NRG1: variants seen among roughly 807,000 people sequenced by gnomAD.
The protein encoded by NRG1 is pro-neuregulin-1, membrane-bound isoform.
A neutral mutation model predicts 63.8 loss-of-function variants in NRG1; 18 were observed. The observed-to-expected ratio is 0.28, with a 90% CI of 0.19 to 0.42. The LOEUF is 0.42. Ranked by LOEUF, NRG1 falls within the 10% of genes least tolerant of loss-of-function variation. The pLI, the probability that NRG1 is intolerant of heterozygous loss-of-function variation, is 1.00. For synonymous variants in NRG1, 302 were observed against 301.3 expected (o/e 1.00, Z -0.02); for missense variants, 762 against 814.7 (o/e 0.94, Z 0.79).
chr8:32,159,236 T>G (rs996675527), intron 1 of NRG1, among the ~76,000 whole-genome samples: 2 of 152,192 alleles, frequency 1.3e-5, no homozygotes, highest in Non-Finnish European at 2.9e-5. Flanking sequence ...TTAGTTTTTG[T>G]TTTAAGAAAA....
At chr8:32,686,209 G>C (rs1810082656) in intron 5 of NRG1, among the ~76,000 whole-genome samples, 2 of 151,882 alleles carry the variant, frequency 1.3e-5, no homozygotes, top group Admixed American at 6.6e-5. Flanking sequence ...CTTTCCATAA[G>C]AAGACAAAAT....
At chr8:32,665,225 C>T (rs1215020045) in intron 5 of NRG1, among the ~76,000 whole-genome samples, 1 of 152,054 alleles carries the variant, frequency 6.6e-6, no homozygotes, top group African/African-American at 2.4e-5. Context: ...TTAGCCTGTT[C>T]TAGTACATAG....
chr8:32,530,201 G>A (rs1194069129), intron 1 of NRG1, among the ~76,000 whole-genome samples: 1 of 151,800 alleles, frequency 6.6e-6, no homozygotes, highest in Non-Finnish European at 1.5e-5. Flanking sequence ...TCCGCCTCCC[G>A]GGTTCATGCC....
At chr8:32,014,721 C>T (rs575029396) in intron 1 of NRG1, among the ~76,000 whole-genome samples, 2 of 150,798 alleles carry the variant, frequency 1.3e-5, no homozygotes, top group East Asian at 4.2e-4. Flanking sequence ...CCCAACCCCC[C>T]CCCAAAAAAG....
intron 1 of NRG1, among the ~76,000 whole-genome samples, chr8:31,801,680 A>G (rs947287839): frequency 3.3e-5 from 5 of 152,222 alleles, no homozygotes; most frequent in East Asian, 1.9e-4. Flanking sequence ...CACCAACTCA[A>G]CATGAAATTG....
chr8:32,352,961 TAC>T (rs1323499011), intron 1 of NRG1, among the ~76,000 whole-genome samples: 154 of 148,078 alleles, frequency 1.0e-3, no homozygotes, highest in African/African-American at 3.6e-3. Flanking sequence ...TATATATATA[TAC>T]AGAGAGAGAG....
At chr8:31,681,033 C>G (rs941100737) in intron 1 of NRG1, among the ~76,000 whole-genome samples, 1 of 152,092 alleles carries the variant, frequency 6.6e-6, no homozygotes, top group South Asian at 2.1e-4. Context: ...GAGACCCACA[C>G]ATTTATGTAA....
intron 1 of NRG1, among the ~76,000 whole-genome samples, chr8:32,135,609 G>C (rs145425179): frequency 0.016 from 2,460 of 151,966 alleles, 32 homozygotes; most frequent in Middle Eastern, 0.034. Context: ...GAGAAGGGGA[G>C]TATCAGGAGG....
intron 1 of NRG1, among the ~76,000 whole-genome samples, chr8:32,307,566 T>C (rs1030897048): frequency 1.3e-5 from 2 of 150,828 alleles, no homozygotes; most frequent in Non-Finnish European, 2.9e-5. Context: ...CCTGTGAAAA[T>C]GGCTCTATGG....
chr8:32,590,693 T>C (rs1842379143), intron 1 of NRG1, among the ~76,000 whole-genome samples: 1 of 152,180 alleles, frequency 6.6e-6, no homozygotes, highest in Non-Finnish European at 1.5e-5. Context: ...TTCATGTGAG[T>C]AAACCATATG....
At chr8:32,365,651 G>A (rs933857607) in intron 1 of NRG1, among the ~76,000 whole-genome samples, 1 of 152,046 alleles carries the variant, frequency 6.6e-6, no homozygotes, top group African/African-American at 2.4e-5. Flanking sequence ...CTTCATGGAT[G>A]ATACAGTCTT....
intron 1 of NRG1, among the ~76,000 whole-genome samples, chr8:31,976,498 T>C (rs1341663493): frequency 6.6e-6 from 1 of 152,142 alleles, no homozygotes; most frequent in Admixed American, 6.5e-5. Flanking sequence ...GGAGATGAAA[T>C]TAGTTTATTA....
intron 5 of NRG1, among the ~76,000 whole-genome samples, chr8:32,669,128 TA>T (rs1381029825): frequency 6.6e-5 from 10 of 152,228 alleles, no homozygotes; most frequent in Non-Finnish European, 1.2e-4. Flanking sequence ...CTGCTTATTT[TA>T]CATTGTTCTG....
chr8:31,684,734 G>T (rs1465776259), intron 1 of NRG1, among the ~76,000 whole-genome samples: 1 of 151,968 alleles, frequency 6.6e-6, no homozygotes, highest in Non-Finnish European at 1.5e-5. Flanking sequence ...GTTTTAGGTG[G>T]CATAAATAAG....
At chr8:32,672,143 C>A (rs573115084) in intron 5 of NRG1, among the ~76,000 whole-genome samples, 1 of 152,048 alleles carries the variant, frequency 6.6e-6, no homozygotes, top group Non-Finnish European at 1.5e-5. Flanking sequence ...CTCCCGGGTT[C>A]CAGCGATTCT....
chr8:32,654,366 C>T (rs902886397), intron 5 of NRG1, among the ~76,000 whole-genome samples: 5 of 152,130 alleles, frequency 3.3e-5, no homozygotes, highest in South Asian at 2.1e-4. Flanking sequence ...CGGTGGCTTA[C>T]GCCTGTAATC....
chr8:32,583,498 A>C (rs765578812), intron 1 of NRG1, among the ~76,000 whole-genome samples: 1 of 152,204 alleles, frequency 6.6e-6, no homozygotes, highest in African/African-American at 2.4e-5. Context: ...TTAACAAAGA[A>C]TCTAATTAAC....
chr8:32,338,380 G>A (rs1273957624), intron 1 of NRG1, among the ~76,000 whole-genome samples: 4 of 152,080 alleles, frequency 2.6e-5, no homozygotes, highest in Non-Finnish European at 5.9e-5. Flanking sequence ...GGTTGACATG[G>A]GTTGCTTTAC....
chr8:32,611,770 A>C (rs1005678909), intron 3 of NRG1, among the ~76,000 whole-genome samples: 9 of 152,118 alleles, frequency 5.9e-5, no homozygotes, highest in African/African-American at 2.2e-4. Context: ...TTGGTAAAAA[A>C]GTCACATAAG....
Sources: gnomAD v4.1 joint callset for allele counts (sites outside exome capture counted in the v4.1 genomes callset) on GRCh38, gnomAD v4.1.1 for gene constraint, MANE v1.5 for transcripts, NCBI Gene and HGNC (gene_info 2026-07-23, HGNC 2026-07-21) for gene names.